Variants in STK31 observed in about 807,000 individuals in gnomAD.
STK31 encodes serine/threonine-protein kinase 31.
Under a neutral mutation model 129.7 loss-of-function variants are expected in STK31, and 89 were observed. That is an observed-to-expected ratio of 0.69 (90% CI 0.58 to 0.82). The LOEUF (loss-of-function observed/expected upper bound fraction) is 0.82, where lower values mean the gene tolerates loss of function less well. STK31 is among the 40% of genes least tolerant of loss of function. STK31 has a pLI of 0.00. For synonymous variants in STK31, 448 were observed against 395.3 expected (o/e 1.13, Z -1.58); for missense variants, 1,187 against 1,176.4 (o/e 1.01, Z -0.13).
At chr7:23,731,887 C>T (rs980683302) in intron 6 of STK31, among the ~76,000 whole-genome samples, 1 of 152,172 alleles carries the variant, frequency 6.6e-6, no homozygotes, top group African/African-American at 2.4e-5. Context: ...GCAAGTGATC[C>T]TTTCTTGTTT....
intron 15 of STK31, among the ~76,000 whole-genome samples, chr7:23,775,977 G>T (rs1790512100): frequency 6.6e-6 from 1 of 152,014 alleles, no homozygotes; most frequent in African/African-American, 2.4e-5. Context: ...GTCATAAATG[G>T]CTCTTAATAT....
intron 15 of STK31, among the ~76,000 whole-genome samples, chr7:23,778,072 T>A (rs796167598): frequency 3.9e-5 from 6 of 152,292 alleles, no homozygotes; most frequent in African/African-American, 1.2e-4. Flanking sequence ...CTATAAAGGA[T>A]TTTAGTTCTC....
intron 16 of STK31, 22 bp from the exon 17 acceptor site, chr7:23,783,561 A>C (rs1791067984): frequency 6.3e-7 from 1 of 1,581,404 alleles, no homozygotes; most frequent in Non-Finnish European, 8.6e-7. Context: ...TACAGTTAAA[A>C]ACTTTTTTTT....
intron 23 of STK31, among the ~76,000 whole-genome samples, chr7:23,830,592 T>TTG (rs3034048): frequency 0.068 from 9,630 of 142,058 alleles, 335 homozygotes; most frequent in Non-Finnish European, 0.084. Context: ...AATTTCCATG[T>TTG]TGTGTGTGTG....
In STK31 at chr7:23,771,135, G is replaced by C; in HGVS notation, c.1833+11G>C. 1 of 1,549,236 alleles carries C rather than the reference G, an allele frequency of 6.5e-7. No homozygotes were observed. The highest frequency in any genetic ancestry group is 8.7e-7 in the Non-Finnish European group (1 of 1,155,314). ...AAGGACAGTATTGAGGTTTGATTGTGCTTTCTCTTATTGATCTTATAAATT... is the reference window on the plus strand; with the variant it reads ...AAGGACAGTATTGAGGTTTGATTGTCCTTTCTCTTATTGATCTTATAAATT... On this transcript the variant is annotated intron_variant, in intron 14 of 23. Transcript: ENST00000355870.
chr7:23,719,144 TG>T (rs1470134317), intron 4 of STK31, among the ~76,000 whole-genome samples: 1 of 152,120 alleles, frequency 6.6e-6, no homozygotes, highest in Non-Finnish European at 1.5e-5. Context: ...GCATTCTGTA[TG>T]TTTTTTTCAC....
At chr7:23,780,846 T>C (rs1790881498) in intron 15 of STK31, among the ~76,000 whole-genome samples, 2 of 152,256 alleles carry the variant, frequency 1.3e-5, no homozygotes, top group African/African-American at 4.8e-5. Context: ...TGGTTGTAGC[T>C]ATCTTATTTA....
intron 8 of STK31, among the ~76,000 whole-genome samples, chr7:23,743,378 C>T (rs1788167594): frequency 6.6e-6 from 1 of 152,176 alleles, no homozygotes; most frequent in Admixed American, 6.5e-5. Context: ...GGAAAGACTA[C>T]TACTTCTTCA....
rs1790151394 is a variant in STK31 at position 23,770,988 on chromosome 7, T to A, written c.1714-17T>A. ...ATATTCCTTTGTGTATAATTCTATG[T>A]GTGTGATTTCATTTAGGATCAAGGT... On this transcript the variant is annotated splice_polypyrimidine_tract_variant and intron_variant, in intron 13 of 23. Coordinates refer to ENST00000355870, the MANE Select transcript of STK31 (RefSeq NM_031414.5). The A allele has an allele frequency of 6.2e-6, 10 of 1,603,994 alleles. No homozygotes were observed. The highest frequency in any genetic ancestry group is 7.7e-6 in the Non-Finnish European group (9 of 1,176,096).
At chr7:23,721,778 GT>G (rs1434519075) in intron 4 of STK31, 6 of 661,572 alleles carry the variant, frequency 9.1e-6, no homozygotes, top group African/African-American at 7.2e-5. Flanking sequence ...GTTTTGTCCA[GT>G]TCTGCGTTAA....
At position 23,815,127 on chromosome 7, in the gene STK31, C is replaced by T. The variant is rs1793393691; in HGVS notation, c.2761-17C>T. The T allele has an allele frequency of 6.3e-7, 1 of 1,586,686 alleles. No homozygotes were observed. The highest frequency in any genetic ancestry group is 1.8e-5 in the Admixed American group (1 of 56,454). ...TTAATACATTGGACATTTATTCATT[C>T]TTACTTTCTTTCACAGCTTTCTGTT... On this transcript the variant is annotated splice_polypyrimidine_tract_variant and intron_variant, in intron 22 of 23. Transcript: ENST00000355870.
Position 23,829,392 on chromosome 7 carries a change from G to T in STK31, c.2830-2744G>T, listed in dbSNP as rs139456796. The stretch of plus-strand genomic sequence containing the variant: ...GTCTATTGAGATCGTTTGCCATATG[G>T]TTTTTGCTCTTTGTTCAGTTGATGT... On this transcript the variant is annotated intron_variant, in intron 23 of 23. Transcript: ENST00000355870. Among the ~76,000 whole-genome samples, 199 of 152,216 alleles carry T rather than the reference G, an allele frequency of 1.3e-3. 5 individuals carry two copies. In the East Asian group the frequency reaches 0.031, roughly 24 times the overall value.
At chr7:23,808,968 T>TGTGTGTGTGCGCGC (rs1562621496) in intron 22 of STK31, among the ~76,000 whole-genome samples, 1 of 130,554 alleles carries the variant, frequency 7.7e-6, no homozygotes, top group African/African-American at 2.9e-5. Flanking sequence ...TGTGTGTGTG[T>TGTGTGTGTGCGCGC]GTGCCTGTGT....
intron 5 of STK31, among the ~76,000 whole-genome samples, chr7:23,728,636 G>A (rs369120238): frequency 5.9e-5 from 9 of 152,242 alleles, no homozygotes; most frequent in African/African-American, 1.9e-4. Context: ...TGGTGAATCT[G>A]ATTAGTTTAC....
chr7:23,810,289 G>T (rs866963299), intron 22 of STK31, among the ~76,000 whole-genome samples: 10 of 151,686 alleles, frequency 6.6e-5, no homozygotes, highest in African/African-American at 2.4e-4. Context: ...CTACATTGTT[G>T]AATTTGGAGT....
chr7:23,783,489 T>C (rs1791062008), intron 16 of STK31, 94 bp from the exon 17 acceptor site: 3 of 849,746 alleles, frequency 3.5e-6, no homozygotes, highest in East Asian at 2.6e-5. Flanking sequence ...GGATATGTTA[T>C]AAGGTAGATG....
chr7:23,779,164 T>C (rs2216500), intron 15 of STK31, among the ~76,000 whole-genome samples: 149,900 of 152,308 alleles, frequency 0.98, 73,828 homozygotes, highest in East Asian at 1. Context: ...GTATCACCAG[T>C]GGAGACTGCA....
chr7:23,730,854 A>T (rs1787361263), intron 6 of STK31, among the ~76,000 whole-genome samples: 2 of 83,492 alleles, frequency 2.4e-5, no homozygotes, highest in African/African-American at 8.0e-5. Context: ...GTATATAAAC[A>T]TTTATATATA....
Position 23,772,185 on chromosome 7 carries a change from C to T in STK31, c.1872C>T (p.Pro624=), listed in dbSNP as rs1447907670. The part of the protein sequence containing the change: ...KQLIEYLNKS[P]SVDHLLSIKK... ...TTATTGAATATTTAAATAAGAGTCC[C>T]AGTGTGGATCACTTGCTATCCATTA... Residue 624 remains proline, a synonymous_variant, in exon 15 of 24, where the codon CCC becomes CCT. Transcript: ENST00000355870. 6.3e-7 allele frequency: 1 copy of T among 1,599,896 alleles called. No homozygotes were observed. Among genetic ancestry groups the T allele is most frequent in the Admixed American group, 1.7e-5 (1 of 57,452 alleles).
Sources: gnomAD v4.1 joint callset for allele counts (sites outside exome capture counted in the v4.1 genomes callset) on GRCh38, gnomAD v4.1.1 for gene constraint, MANE v1.5 for transcripts, NCBI Gene and HGNC (gene_info 2026-07-23, HGNC 2026-07-21) for gene names.